Variants in CPNE3 observed in about 807,000 individuals in gnomAD.
CPNE3 encodes copine 3, also known as copine-3.
A neutral mutation model predicts 63.9 loss-of-function variants in CPNE3; 68 were observed. That is an observed-to-expected ratio of 1.06 (90% confidence interval 0.87 to 1.30). CPNE3 has a LOEUF of 1.30. Ranked by LOEUF, CPNE3 falls within the 50% of genes most tolerant of loss-of-function variation. The pLI, the probability that CPNE3 is intolerant of heterozygous loss-of-function variation, is 0.00. For synonymous variants in CPNE3, 219 were observed against 197.5 expected (o/e 1.11, Z -0.91); for missense variants, 665 against 578.1 (o/e 1.15, Z -1.54).
In CPNE3 at chr8:86,548,308, T is replaced by A. The variant is rs764170678; in HGVS notation, c.887T>A (p.Val296Glu). The A allele has an allele frequency of 1.2e-6, 2 of 1,613,772 alleles. No homozygotes were observed. Among genetic ancestry groups the A allele is most frequent in the East Asian group, 2.2e-5 (1 of 44,844 alleles). Residue 296 changes from valine to glutamate, a missense_variant, in exon 12 of 17, where the codon GTG becomes GAG. Coordinates refer to ENST00000517490, the MANE Select transcript of CPNE3 (RefSeq NM_003909.5). ...GGCQLNFTVGVDFTGSNGDPR... is the reference protein window; with the variant it reads ...GGCQLNFTVGEDFTGSNGDPR... ...GCAATTGTTATTTGGCAGGTGGGAG[T>A]GGACTTCACTGGCTCCAATGGTGAC...
chr8:86,523,837 C>G (rs553648075), intron 2 of CPNE3, among the ~76,000 whole-genome samples: 3 of 152,182 alleles, frequency 2.0e-5, no homozygotes, highest in African/African-American at 7.2e-5. Context: ...ATCCCCCTAC[C>G]TCGCCCACCC....
At chr8:86,543,407 T>C (rs1490120501) in intron 8 of CPNE3, among the ~76,000 whole-genome samples, 2 of 152,282 alleles carry the variant, frequency 1.3e-5, no homozygotes, top group South Asian at 2.1e-4. Context: ...TAAGCATTCA[T>C]TTCATAGAAC....
rs2131486768 is a variant in CPNE3, at chr8:86,548,415, G to A, written c.994G>A (p.Val332Ile). The change falls in exon 12 of 17, where the codon GTC becomes ATC. Residue 332 changes from valine (V) to isoleucine (I), a missense_variant. Val to Ile is a conservative substitution (Grantham distance 29). Transcript: ENST00000517490. ...GACTGCTCTCTGGTCTGTGGGACTG[G>A]TCATTCAAGATTATGATGCGTGAGT... ...YLTALWSVGL[V>I]IQDYDADKMF... 1.2e-6 allele frequency: 2 copies of A among 1,614,098 alleles called. No individual in the cohort carries two copies. The highest frequency in any genetic ancestry group is 1.7e-6 in the Non-Finnish European group (2 of 1,179,990).
At chr8:86,545,080 G>A in intron 9 of CPNE3, 1 of 263,810 alleles carries the variant, frequency 3.8e-6, no homozygotes, top group Non-Finnish European at 7.1e-6. Context: ...ATGGAGGACA[G>A]CAAAGATGAT....
intron 8 of CPNE3, 25 bp from the exon 9 acceptor site, chr8:86,544,715 A>G: frequency 3.4e-6 from 4 of 1,161,430 alleles, no homozygotes; most frequent in Non-Finnish European, 4.6e-6. Flanking sequence ...TGATTTTTAT[A>G]TATTTTTATT....
chr8:86,544,660 A>G (rs1467748185), intron 8 of CPNE3, 80 bp from the exon 9 acceptor site: 2 of 623,188 alleles, frequency 3.2e-6, no homozygotes, highest in African/African-American at 3.9e-5. Context: ...GCACTTCATG[A>G]TAGGTTATAT....
Position 86,546,511 on chromosome 8 carries a change from G to GA in CPNE3, c.733-77dup, listed in dbSNP as rs1380273122. On this transcript the variant is annotated intron_variant, in intron 9 of 16. Transcript: ENST00000517490. ...ATCAGTAGGTAGTTTGATTCTAAAGGAAAAAAAGTCATTCATTTAAAGTCA... is the reference window on the plus strand; with the variant it reads ...ATCAGTAGGTAGTTTGATTCTAAAGGAAAAAAAAGTCATTCATTTAAAGTCA... The GA allele has an allele frequency of 2.8e-6, 4 of 1,422,596 alleles. No homozygotes were observed. In the East Asian group the frequency reaches 7.0e-5, roughly 25 times the overall value. The allele number at this position is 1,422,596 out of a possible 1,614,324, so 88.1% of individuals were successfully genotyped here. A position where few individuals can be genotyped will look rare whatever the true frequency, so the allele number is the denominator to read the frequency against.
intron 5 of CPNE3, 147 bp downstream of exon 5, chr8:86,531,376 T>C (rs1386216495): frequency 1.6e-6 from 1 of 640,462 alleles, no homozygotes; most frequent in Non-Finnish European, 2.9e-6. Flanking sequence ...CTTGTAGTTA[T>C]CACAAATGGA....
intron 11 of CPNE3, 74 bp downstream of exon 11, chr8:86,547,844 C>T: frequency 1.3e-6 from 1 of 771,250 alleles, no homozygotes; most frequent in Non-Finnish European, 2.2e-6. Context: ...CACTGCAAAA[C>T]TGACTTTGTA....
At chr8:86,556,598 G>T (rs912723592) in intron 16 of CPNE3, among the ~76,000 whole-genome samples, 1 of 152,162 alleles carries the variant, frequency 6.6e-6, no homozygotes, top group Non-Finnish European at 1.5e-5. Context: ...GTAACAACAG[G>T]AAAAAACTCT....
At chr8:86,525,050 T>A (rs1382783145) in intron 2 of CPNE3, 1 of 152,220 alleles carries the variant, frequency 6.6e-6, no homozygotes, top group African/African-American at 2.4e-5. Context: ...AGACGGGGTT[T>A]CACCAGGTTG....
At chr8:86,540,561 A>G (rs1820915367) in intron 8 of CPNE3, among the ~76,000 whole-genome samples, 1 of 152,202 alleles carries the variant, frequency 6.6e-6, no homozygotes, top group African/African-American at 2.4e-5. Flanking sequence ...TTAGTCAAAC[A>G]GTGTCGTTTC....
intron 14 of CPNE3, among the ~76,000 whole-genome samples, chr8:86,552,098 G>A (rs1475175133): frequency 6.6e-6 from 1 of 152,222 alleles, no homozygotes; most frequent in African/African-American, 2.4e-5. Flanking sequence ...GAGAAGGCAA[G>A]GTAGGTGTGG....
chr8:86,551,550 C>A, intron 14 of CPNE3: 1 of 212,442 alleles, frequency 4.7e-6, no homozygotes, highest in Non-Finnish European at 9.2e-6. Flanking sequence ...GTAAAAATAT[C>A]ATATATTAAA....
chr8:86,520,765 T>G (rs977334629), intron 2 of CPNE3, among the ~76,000 whole-genome samples: 2 of 150,706 alleles, frequency 1.3e-5, no homozygotes, highest in African/African-American at 4.9e-5. Context: ...TTCAAGTGAT[T>G]CTCCTGCCTC....
Position 86,560,238 on chromosome 8 carries a change from C to A in CPNE3, c.*1828C>A, listed in dbSNP as rs374926388. On this transcript the variant is annotated 3_prime_UTR_variant, in exon 17 of 17. Transcript: ENST00000517490. ...CATAGTTGTCTCAGATGTTCTAATTCTCTTTGTATGCTTGGAAACAGCATA... is the reference window on the plus strand; with the variant it reads ...CATAGTTGTCTCAGATGTTCTAATTATCTTTGTATGCTTGGAAACAGCATA... The A allele has an allele frequency of 4.6e-5, 7 of 152,290 alleles. No homozygotes were observed. The East Asian group carries it at 9.6e-4, about 21-fold the overall frequency. The allele number at this position is 152,290 out of a possible 1,614,324, so 9.4% of individuals were successfully genotyped here.
At chr8:86,537,308 A>G (rs1442752261) in intron 6 of CPNE3, among the ~76,000 whole-genome samples, 2 of 152,218 alleles carry the variant, frequency 1.3e-5, no homozygotes, top group Non-Finnish European at 2.9e-5. Context: ...ACTGTATTTT[A>G]AAACTGTCAT....
chr8:86,525,325 T>C (rs1820518580), intron 2 of CPNE3, among the ~76,000 whole-genome samples: 1 of 152,222 alleles, frequency 6.6e-6, no homozygotes, highest in Non-Finnish European at 1.5e-5. Flanking sequence ...TATTGCTCTC[T>C]TAAAAAATTG....
At chr8:86,524,842 T>A (rs1206900058) in intron 2 of CPNE3, 1 of 140,586 alleles carries the variant, frequency 7.1e-6, no homozygotes, top group African/African-American at 2.8e-5. Context: ...TGGCTAATTT[T>A]TTCATTTTTC....
Sources: gnomAD v4.1 joint callset for allele counts (sites outside exome capture counted in the v4.1 genomes callset) on GRCh38, gnomAD v4.1.1 for gene constraint, MANE v1.5 for transcripts, NCBI Gene and HGNC (gene_info 2026-07-23, HGNC 2026-07-21) for gene names.